The following NTM variants were observed in gnomAD, a reference collection of about 807,000 sequenced individuals.
NTM encodes neurotrimin.
Under a neutral mutation model 42.1 loss-of-function variants are expected in NTM, and 13 were observed. The observed-to-expected ratio is 0.31, with a 90% CI of 0.20 to 0.49. The LOEUF (loss-of-function observed/expected upper bound fraction) is 0.49. Among genes scored for constraint, NTM ranks in the 20% least tolerant of loss-of-function variants. The probability of loss-of-function intolerance (pLI) is 0.99; values close to 1 mark genes in which losing one functional copy is unlikely to be tolerated. For missense variants in NTM, 373 were observed against 452.8 expected (o/e 0.82, Z 1.60); for synonymous variants, 187 against 179.2 (o/e 1.04, Z -0.35).
intron 3 of NTM, among the ~76,000 whole-genome samples, chr11:132,154,237 G>C (rs1270575626): frequency 6.6e-6 from 1 of 152,126 alleles, no homozygotes; most frequent in Admixed American, 6.5e-5. Context: ...TCTTTCACAA[G>C]GAAGTGCACA....
chr11:131,692,489 T>TC (rs2074913760), intron 1 of NTM, among the ~76,000 whole-genome samples: 1 of 152,246 alleles, frequency 6.6e-6, no homozygotes, highest in Admixed American at 6.5e-5. Context: ...CTAGACCATC[T>TC]CCCAGGCAGA....
chr11:131,637,716 A>T (rs992429655), intron 1 of NTM, among the ~76,000 whole-genome samples: 2 of 151,998 alleles, frequency 1.3e-5, no homozygotes, highest in African/African-American at 4.8e-5. Flanking sequence ...AAGCCAAAAG[A>T]ACAAAACCAC....
intron 1 of NTM, chr11:131,771,288 G>C (rs1239812934): frequency 1.3e-5 from 2 of 152,182 alleles, no homozygotes; most frequent in Non-Finnish European, 2.9e-5. Flanking sequence ...GTGTACTGCT[G>C]GATGGGAAGG....
chr11:131,418,603 A>G (rs953411095), intron 1 of NTM, among the ~76,000 whole-genome samples: 3 of 152,194 alleles, frequency 2.0e-5, no homozygotes, highest in Non-Finnish European at 4.4e-5. Flanking sequence ...CCATGATTAA[A>G]TTGGCCTCGA....
intron 3 of NTM, among the ~76,000 whole-genome samples, chr11:132,197,670 C>T (rs1254044630): frequency 2.3e-5 from 3 of 131,526 alleles, no homozygotes; most frequent in Non-Finnish European, 4.7e-5. Context: ...CACAACAGGC[C>T]CTGGTGTGTG....
chr11:132,128,790 T>A (rs1363860575), intron 2 of NTM, among the ~76,000 whole-genome samples: 1 of 151,284 alleles, frequency 6.6e-6, no homozygotes, highest in African/African-American at 2.4e-5. Flanking sequence ...AAAATAAAAT[T>A]AGCCGAGTGC....
At chr11:132,143,716 T>A (rs1008089430) in intron 2 of NTM, among the ~76,000 whole-genome samples, 20 of 152,266 alleles carry the variant, frequency 1.3e-4, no homozygotes, top group Middle Eastern at 3.4e-3. Context: ...ATTATTAATA[T>A]AAGCTATCCT....
At chr11:131,850,556 C>CA in intron 1 of NTM, among the ~76,000 whole-genome samples, 1 of 152,212 alleles carries the variant, frequency 6.6e-6, no homozygotes, top group African/African-American at 2.4e-5. Context: ...CTTGTCCTTC[C>CA]AAAAATAAGG....
In NTM at chr11:132,121,634, A is replaced by C. The variant is rs947762955; in HGVS notation, c.168-24648A>C. On this transcript the variant is annotated intron_variant, in intron 2 of 8. Coordinates refer to ENST00000683400, the MANE Select transcript of NTM (RefSeq NM_001352005.2). ...TCTTAAATTCTACCTCAGAACCTTT[A>C]ATTCTCATTTTATTTTCCTTTCCCA... 1.2e-3 allele frequency among the ~76,000 whole-genome samples: 180 copies of C among 152,252 alleles called. 1 individual carries two copies. The highest frequency in any genetic ancestry group is 4.1e-3 in the African/African-American group (171 of 41,552).
At chr11:132,030,101 C>T (rs1170722622) in intron 2 of NTM, among the ~76,000 whole-genome samples, 2 of 152,082 alleles carry the variant, frequency 1.3e-5, no homozygotes, top group South Asian at 2.1e-4. Flanking sequence ...TTATTGAAAA[C>T]ATCAGTCACA....
chr11:131,569,032 T>C (rs183397597), intron 1 of NTM, among the ~76,000 whole-genome samples: 50 of 152,336 alleles, frequency 3.3e-4, no homozygotes, highest in African/African-American at 1.2e-3. Flanking sequence ...ATTTTCGTTA[T>C]CCAGAAAGAA....
intron 1 of NTM, among the ~76,000 whole-genome samples, chr11:131,770,271 T>A (rs535319424): frequency 2.2e-4 from 33 of 152,296 alleles, no homozygotes; most frequent in Middle Eastern, 3.4e-3. Flanking sequence ...TGCTTTCTTC[T>A]CCTTTTACAA....
chr11:131,397,842 C>T (rs981365708), intron 1 of NTM, among the ~76,000 whole-genome samples: 1 of 152,214 alleles, frequency 6.6e-6, no homozygotes. Context: ...CCCTGCAGAG[C>T]ACCGCTGATA....
chr11:132,007,755 A>C (rs899847966), intron 2 of NTM, among the ~76,000 whole-genome samples: 3 of 152,206 alleles, frequency 2.0e-5, no homozygotes, highest in African/African-American at 7.2e-5. Flanking sequence ...CATAATTCAG[A>C]GCATCAAACA....
At chr11:131,768,450 A>C (rs565330886) in intron 1 of NTM, among the ~76,000 whole-genome samples, 4 of 152,176 alleles carry the variant, frequency 2.6e-5, no homozygotes, top group Non-Finnish European at 5.9e-5. Context: ...GTTTGAGCTG[A>C]ATTCGGAGCT....
intron 2 of NTM, among the ~76,000 whole-genome samples, chr11:132,129,479 T>A (rs529431453): frequency 1.3e-5 from 2 of 152,324 alleles, no homozygotes; most frequent in East Asian, 3.9e-4. Context: ...ACCCAGTAGC[T>A]TAGGCCCTGC....
chr11:131,557,092 G>C (rs988390601), intron 1 of NTM, among the ~76,000 whole-genome samples: 25 of 152,078 alleles, frequency 1.6e-4, no homozygotes, highest in Non-Finnish European at 3.2e-4. Context: ...ATGACAGCCA[G>C]AGGCAGGCGA....
At chr11:131,613,088 T>C (rs2061596364) in intron 1 of NTM, among the ~76,000 whole-genome samples, 2 of 152,234 alleles carry the variant, frequency 1.3e-5, no homozygotes, top group Non-Finnish European at 2.9e-5. Context: ...TCATTCAAGC[T>C]TCTCTTCCTC....
Position 132,279,641 on chromosome 11 carries a change from T to C in NTM, c.527-28048T>C, listed in dbSNP as rs927535847. Among the ~76,000 whole-genome samples, 4 of 152,368 alleles carry C rather than the reference T, an allele frequency of 2.6e-5. No individual in the cohort carries two copies. The South Asian group carries it at 8.3e-4, about 32-fold the overall frequency. On this transcript the variant is annotated intron_variant, in intron 4 of 8. Coordinates refer to ENST00000683400, the MANE Select transcript of NTM (RefSeq NM_001352005.2). ...ACCTGCCTGGAATCCTTTCCGCCAT[T>C]GATCTTCCAGGCCTTTGTTTATATT...
Sources: allele counts gnomAD v4.1 joint callset (sites outside exome capture counted in the v4.1 genomes callset), GRCh38; gene constraint gnomAD v4.1.1; transcripts MANE v1.5; gene names NCBI Gene and HGNC (gene_info 2026-07-23, HGNC 2026-07-21).